ANXA5: variants seen among roughly 807,000 people sequenced by gnomAD.
The protein encoded by ANXA5 is CBP-I.
Under a neutral mutation model 48.1 loss-of-function variants are expected in ANXA5, and 40 were observed. The observed-to-expected ratio is 0.83, with a 90% CI of 0.65 to 1.08. The LOEUF (loss-of-function observed/expected upper bound fraction) is 1.08, where lower values mean the gene tolerates loss of function less well. Among genes scored for constraint, ANXA5 ranks in the 50% least tolerant of loss-of-function variants. The pLI is 0.00. For synonymous variants in ANXA5, 113 were observed against 129.1 expected, an observed-to-expected ratio of 0.88 and a Z score of 0.85; for missense variants, 357 against 376.8, an observed-to-expected ratio of 0.95 and a Z score of 0.44.
intron 2 of ANXA5, among the ~76,000 whole-genome samples, chr4:121,689,912 T>G (rs1724953242): frequency 1.3e-5 from 2 of 152,010 alleles, no homozygotes; most frequent in South Asian, 4.1e-4. Context: ...GGTGATTCTG[T>G]TTTTTGGATG....
At chr4:121,676,278 G>A (rs557769991) in intron 8 of ANXA5, among the ~76,000 whole-genome samples, 2 of 152,272 alleles carry the variant, frequency 1.3e-5, no homozygotes, top group Admixed American at 1.3e-4. Context: ...TATTTAATAA[G>A]CCCTTTAATG....
At chr4:121,684,428 G>A (rs1724844422) in intron 4 of ANXA5, among the ~76,000 whole-genome samples, 1 of 152,180 alleles carries the variant, frequency 6.6e-6, no homozygotes, top group Non-Finnish European at 1.5e-5. Context: ...AAGAGAGACA[G>A]TTCTCACTAC....
intron 10 of ANXA5, among the ~76,000 whole-genome samples, chr4:121,670,771 T>C (rs916823709): frequency 6.6e-6 from 1 of 152,192 alleles, no homozygotes; most frequent in African/African-American, 2.4e-5. Flanking sequence ...GAAGGACCTG[T>C]CTAAAAGTTT....
At chr4:121,696,696 G>C (rs1232663609) in intron 1 of ANXA5, 72 bp from the exon 2 acceptor site, 3 of 1,092,832 alleles carry the variant, frequency 2.7e-6, no homozygotes, top group East Asian at 6.4e-5. Context: ...GCAGGTCCGC[G>C]GGGACCCGGC....
Position 121,696,881 on chromosome 4 carries a change from G to T in ANXA5, c.-54C>A. 1 of 322,656 alleles carries T rather than the reference G, an allele frequency of 3.1e-6. No individual in the cohort carries two copies. Among genetic ancestry groups the T allele is most frequent in the Non-Finnish European group, 5.6e-6 (1 of 177,930 alleles). The allele number at this position is 322,656 out of a possible 1,614,324, so 20.0% of individuals were successfully genotyped here. A position where few individuals can be genotyped will look rare whatever the true frequency, so the allele number is the denominator to read the frequency against. ...CACTCACCCAGACTGTGGGACCCAA[G>T]TGCCCCGAAACCCCGGGAGAGCGGC... is the stretch of plus-strand genomic sequence containing the variant. On this transcript the variant is annotated 5_prime_UTR_variant, in exon 1 of 13. Transcript: ENST00000296511.
At chr4:121,692,785 T>G (rs1253768689) in intron 2 of ANXA5, among the ~76,000 whole-genome samples, 2 of 152,222 alleles carry the variant, frequency 1.3e-5, no homozygotes, top group Admixed American at 1.3e-4. Context: ...GACTAAATAA[T>G]GCACACAAAA....
Position 121,684,726 on chromosome 4 carries a change from T to C in ANXA5, c.140A>G (p.Asn47Ser). 1.9e-6 allele frequency: 3 copies of C among 1,614,060 alleles called. No homozygotes were observed. Among genetic ancestry groups the C allele is most frequent in the Middle Eastern group, 1.6e-4 (1 of 6,062 alleles). The part of the protein sequence containing the change: ...SILTLLTSRS[N>S]AQRQEISAAF... ...TGCAGAGATTTCCTGGCGCTGAGCA[T>C]TACTTCGGGATGTCAACAGAGTCAG... Residue 47 changes from asparagine (N) to serine (S), a missense_variant, in exon 4 of 13, where the codon AAT becomes AGT. Coordinates refer to ENST00000296511, the MANE Select transcript of ANXA5 (RefSeq NM_001154.4).
At chr4:121,676,198 A>G (rs142757144) in intron 8 of ANXA5, among the ~76,000 whole-genome samples, 1 of 151,812 alleles carries the variant, frequency 6.6e-6, no homozygotes, top group Non-Finnish European at 1.5e-5. Flanking sequence ...CAGGAGTACA[A>G]CTCTGTAGGG....
chr4:121,678,269 G>A (rs1371279492), intron 7 of ANXA5, 146 bp downstream of exon 7: 1 of 679,392 alleles, frequency 1.5e-6, no homozygotes, highest in Non-Finnish European at 2.5e-6. Flanking sequence ...AACAAGCACA[G>A]GCAACATACA....
intron 8 of ANXA5, among the ~76,000 whole-genome samples, chr4:121,677,257 A>G (rs374076258): frequency 2.0e-5 from 3 of 152,200 alleles, no homozygotes; most frequent in Admixed American, 6.5e-5. Flanking sequence ...TAGGAACCCA[A>G]GTAATTCCTT....
At chr4:121,694,661 G>T (rs903499846) in intron 2 of ANXA5, among the ~76,000 whole-genome samples, 4 of 152,174 alleles carry the variant, frequency 2.6e-5, no homozygotes, top group African/African-American at 7.2e-5. Context: ...AGGATTACAG[G>T]CATGAGCCAC....
intron 10 of ANXA5, 45 bp from the exon 11 acceptor site, chr4:121,670,057 T>A: frequency 7.2e-7 from 1 of 1,383,996 alleles, no homozygotes; most frequent in Non-Finnish European, 1.0e-6. Flanking sequence ...TTTTGATATG[T>A]AAAGGATTAA....
intron 2 of ANXA5, among the ~76,000 whole-genome samples, chr4:121,691,906 G>A (rs1660894509): frequency 6.6e-6 from 1 of 152,174 alleles, no homozygotes; most frequent in Non-Finnish European, 1.5e-5. Context: ...GAGCTGTAAA[G>A]CAAAATAATT....
At chr4:121,669,770 C>T in intron 11 of ANXA5, 46 bp from the exon 12 acceptor site, 1 of 1,573,402 alleles carries the variant, frequency 6.4e-7, no homozygotes, top group Middle Eastern at 1.7e-4. Flanking sequence ...TTAAAAACTT[C>T]AAACATAGGA....
intron 8 of ANXA5, among the ~76,000 whole-genome samples, chr4:121,676,656 G>C (rs2110481897): frequency 7.2e-6 from 1 of 139,664 alleles, no homozygotes; most frequent in East Asian, 2.3e-4. Context: ...AACGTGGCAA[G>C]AACTGTGACA....
At chr4:121,694,102 C>CG (rs1167345308) in intron 2 of ANXA5, among the ~76,000 whole-genome samples, 13 of 6,978 alleles carry the variant, frequency 1.9e-3, no homozygotes, top group Non-Finnish European at 2.9e-3. Context: ...CTATTGTGGG[C>CG]GGGGGGGAGG....
chr4:121,679,868 T>C (rs969734812), intron 6 of ANXA5, among the ~76,000 whole-genome samples: 4 of 152,198 alleles, frequency 2.6e-5, no homozygotes, highest in African/African-American at 9.6e-5. Context: ...TCACTTCATA[T>C]AGTCTATATT....
chr4:121,668,662 G>A, intron 12 of ANXA5, 135 bp from the exon 13 acceptor site: 1 of 702,566 alleles, frequency 1.4e-6, no homozygotes, highest in South Asian at 1.7e-5. Context: ...TTTCACATCA[G>A]GAATGTTATG....
intron 6 of ANXA5, among the ~76,000 whole-genome samples, chr4:121,680,629 C>T (rs1200332265): frequency 6.6e-6 from 1 of 152,144 alleles, no homozygotes; most frequent in African/African-American, 2.4e-5. Context: ...AATTACACGG[C>T]TGAGTAGGAC....
Sources: gnomAD v4.1 joint callset for allele counts (sites outside exome capture counted in the v4.1 genomes callset) on GRCh38, gnomAD v4.1.1 for gene constraint, MANE v1.5 for transcripts, NCBI Gene and HGNC (gene_info 2026-07-23, HGNC 2026-07-21) for gene names.